The following CNOT2 variants were observed in gnomAD, a reference collection of about 807,000 sequenced individuals.
CNOT2 encodes CCR4-NOT transcription complex subunit 2, also known as CC chemokine receptor 4-negative regulator of transcription 2.
In CNOT2, 7 loss-of-function variants were observed where a neutral mutation model predicts 72.1. That is an observed-to-expected ratio of 0.10 (90% CI 0.06 to 0.18). The LOEUF (loss-of-function observed/expected upper bound fraction) is 0.18, where lower values mean the gene tolerates loss of function less well. Ranked by LOEUF, CNOT2 falls within the 10% of genes least tolerant of loss-of-function variation. The pLI, the probability that CNOT2 is intolerant of heterozygous loss-of-function variation, is 1.00. For synonymous variants in CNOT2, 196 were observed against 225.6 expected (o/e 0.87, Z 1.17); for missense variants, 345 against 660.3 (o/e 0.52, Z 5.23).
chr12:70,283,467 T>TGATAGATAGATAGATAGATA lies in CNOT2; in HGVS notation c.48+5216_48+5235dup, dbSNP rs3049214. Among the ~76,000 whole-genome samples the TGATAGATAGATAGATAGATA allele has an allele frequency of 2.4e-3, 338 of 142,560 alleles. 2 individuals carry two copies. Among genetic ancestry groups the TGATAGATAGATAGATAGATA allele is most frequent in the Non-Finnish European group, 2.7e-3 (176 of 66,006 alleles). 93.5% of individuals were successfully genotyped at this position (142,560 alleles called of 152,430 possible). A position where few individuals can be genotyped will look rare whatever the true frequency, so the allele number is the denominator to read the frequency against. ...AGAGCAAGACCCTCAGTCAGTCGAT[T>TGATAGATAGATAGATAGATA]GATAGATAGATAGATAGATAGATAG... On this transcript the variant is annotated intron_variant, in intron 2 of 15. Coordinates refer to ENST00000229195, the MANE Select transcript of CNOT2 (RefSeq NM_014515.7).
At chr12:70,297,344 ACT>A (rs1002619256) in intron 2 of CNOT2, among the ~76,000 whole-genome samples, 8 of 152,098 alleles carry the variant, frequency 5.3e-5, no homozygotes, top group Admixed American at 3.9e-4. Flanking sequence ...CAGACTACAA[ACT>A]CTGTAGCTGG....
Position 70,335,481 on chromosome 12 carries a change from A to G in CNOT2, c.693A>G (p.Pro231=). 6.2e-7 allele frequency: 1 copy of G among 1,607,180 alleles called. No individual in the cohort carries two copies. The highest frequency in any genetic ancestry group is 1.1e-5 in the South Asian group (1 of 90,952). ...NVTGLDLSDF[P]ALADRNRREG... Reference sequence around the variant, plus strand: ...CAGGATTGGACCTTTCAGATTTCCCAGCATTAGCAGACCGAAACAGGAGGG... The same window carrying G: ...CAGGATTGGACCTTTCAGATTTCCCGGCATTAGCAGACCGAAACAGGAGGG... Residue 231 remains proline, a synonymous_variant, in exon 8 of 16, where the codon CCA becomes CCG. Coordinates refer to ENST00000229195, the MANE Select transcript of CNOT2 (RefSeq NM_014515.7).
intron 2 of CNOT2, 59 bp downstream of exon 2, chr12:70,278,333 C>G: frequency 7.9e-7 from 1 of 1,268,914 alleles, no homozygotes; most frequent in Non-Finnish European, 1.1e-6. Flanking sequence ...TGAAACTGTT[C>G]AAATGTGTTA....
intron 2 of CNOT2, among the ~76,000 whole-genome samples, chr12:70,299,086 G>A (rs1873351157): frequency 6.6e-6 from 1 of 152,020 alleles, no homozygotes; most frequent in East Asian, 1.9e-4. Flanking sequence ...TGACTCACAT[G>A]GCTGGGGAGG....
chr12:70,298,618 G>C (rs1873249317), intron 2 of CNOT2, among the ~76,000 whole-genome samples: 1 of 152,166 alleles, frequency 6.6e-6, no homozygotes. Context: ...TTATAGTTAT[G>C]ATAAAGTGTT....
intron 2 of CNOT2, among the ~76,000 whole-genome samples, chr12:70,296,980 C>T (rs554627034): frequency 6.6e-6 from 1 of 152,220 alleles, no homozygotes; most frequent in South Asian, 2.1e-4. Flanking sequence ...TTTTACCTAT[C>T]ATGTTTTCCC....
chr12:70,352,139 C>A (rs1241633130), intron 15 of CNOT2, among the ~76,000 whole-genome samples: 1 of 151,972 alleles, frequency 6.6e-6, no homozygotes, highest in East Asian at 1.9e-4. Context: ...TGTTTTGGAT[C>A]TTGGACTAAA....
At position 70,353,728 on chromosome 12, in the gene CNOT2, A is replaced by G; in HGVS notation, c.1537-101A>G. On this transcript the variant is annotated intron_variant, in intron 15 of 15. Transcript: ENST00000229195. ...GGTATATCTGTGTTGATGTTGATTC[A>G]TATATATTGGGTATTTTATTTATTT... 3 of 1,508,496 alleles carry G rather than the reference A, an allele frequency of 2.0e-6. No homozygotes were observed. The South Asian group carries it at 3.8e-5, about 19-fold the overall frequency. 93.4% of individuals were successfully genotyped at this position (1,508,496 alleles called of 1,614,324 possible).
intron 14 of CNOT2, chr12:70,344,898 A>G (rs527725772): frequency 2.6e-5 from 4 of 152,348 alleles, no homozygotes; most frequent in African/African-American, 9.6e-5. Context: ...TAATCATTTC[A>G]TAAACATTAT....
chr12:70,265,271 GTTTCT>G (rs1958968576), intron 1 of CNOT2, among the ~76,000 whole-genome samples: 7 of 74,542 alleles, frequency 9.4e-5, no homozygotes, highest in African/African-American at 3.2e-4. Flanking sequence ...GTTTCGTTTT[GTTTCT>G]TCTCTTCTCT....
chr12:70,264,082 C>G (rs1161511559), intron 1 of CNOT2, among the ~76,000 whole-genome samples: 1 of 152,188 alleles, frequency 6.6e-6, no homozygotes, highest in Non-Finnish European at 1.5e-5. Flanking sequence ...GGTGACTGCT[C>G]TTTTGTTATT....
chr12:70,344,103 A>G (rs1881860466), intron 13 of CNOT2, 25 bp from the exon 14 acceptor site: 1 of 1,516,144 alleles, frequency 6.6e-7, no homozygotes, highest in Non-Finnish European at 9.1e-7. Flanking sequence ...TTTATATTTC[A>G]GAATAAGTTA....
chr12:70,282,677 T>C (rs544648103), intron 2 of CNOT2, among the ~76,000 whole-genome samples: 8 of 152,334 alleles, frequency 5.3e-5, no homozygotes, highest in Middle Eastern at 3.4e-3. Context: ...GCTATTTCCG[T>C]TTCCCATTCT....
intron 4 of CNOT2, among the ~76,000 whole-genome samples, chr12:70,320,072 T>C (rs958281072): frequency 2.6e-5 from 4 of 151,744 alleles, no homozygotes; most frequent in African/African-American, 9.7e-5. Flanking sequence ...AATTGTTAAA[T>C]ATTAGTATGA....
At chr12:70,286,947 A>T (rs1474713397) in intron 2 of CNOT2, among the ~76,000 whole-genome samples, 2 of 152,060 alleles carry the variant, frequency 1.3e-5, no homozygotes, top group Non-Finnish European at 1.5e-5. Context: ...AATTAAAAAA[A>T]AATTTTTAGT....
intron 15 of CNOT2, among the ~76,000 whole-genome samples, chr12:70,350,403 ACTTTT>A (rs1214669464): frequency 1.3e-5 from 2 of 152,194 alleles, no homozygotes; most frequent in South Asian, 2.1e-4. Context: ...AGTAATGTGT[ACTTTT>A]CTTCAAAGAT....
At chr12:70,346,799 CTA>C (rs768876562) in intron 15 of CNOT2, among the ~76,000 whole-genome samples, 6 of 152,110 alleles carry the variant, frequency 3.9e-5, no homozygotes, top group Non-Finnish European at 7.4e-5. Context: ...ATTTCTGTGA[CTA>C]TTTTGCTAAA....
At chr12:70,274,612 G>A (rs1336019990) in intron 1 of CNOT2, among the ~76,000 whole-genome samples, 1 of 151,872 alleles carries the variant, frequency 6.6e-6, no homozygotes, top group Middle Eastern at 3.2e-3. Flanking sequence ...GGGAACATGG[G>A]GAAGGTTTTT....
At chr12:70,260,902 A>G (rs1306962193) in intron 1 of CNOT2, among the ~76,000 whole-genome samples, 1 of 148,986 alleles carries the variant, frequency 6.7e-6, no homozygotes, top group East Asian at 2.0e-4. Flanking sequence ...TTAGTACAGT[A>G]TGAAATAGAA....
Sources: allele counts gnomAD v4.1 joint callset (sites outside exome capture counted in the v4.1 genomes callset), GRCh38; gene constraint gnomAD v4.1.1; transcripts MANE v1.5; gene names NCBI Gene and HGNC (gene_info 2026-07-23, HGNC 2026-07-21).